The following PGBD2 variants were observed in gnomAD, a reference collection of about 807,000 sequenced individuals.
PGBD2 encodes piggyBac transposable element-derived protein 2.
In PGBD2, 6 loss-of-function variants were observed where a neutral mutation model predicts 8.1. The ratio of observed to expected loss-of-function variants is 0.74; its 90% CI spans 0.40 to 1.46. PGBD2 has a LOEUF of 1.46. Ranked by LOEUF, PGBD2 falls within the 40% of genes most tolerant of loss-of-function variation. The pLI, the probability that PGBD2 is intolerant of heterozygous loss-of-function variation, is 0.02. For missense variants in PGBD2, 802 were observed against 739.0 expected (o/e 1.09, Z -0.99); for synonymous variants, 318 against 272.2 (o/e 1.17, Z -1.66).
At chr1:248,922,514 A>G (rs888246479), downstream of PGBD2, among the ~76,000 whole-genome samples, 5 of 152,242 alleles carry the variant, frequency 3.3e-5, no homozygotes, top group African/African-American at 1.2e-4. Context: ...GTGGCAAGAG[A>G]GGGCATCCTT....
At chr1:248,907,499 G>C (rs371468905) in intron 1 of PGBD2, among the ~76,000 whole-genome samples, 13 of 152,306 alleles carry the variant, frequency 8.5e-5, no homozygotes, top group African/African-American at 2.9e-4. Context: ...CTGGGGGACG[G>C]TAAGGTCTTT....
chr1:248,894,135 T>C, the PGBD2 span, among the ~76,000 whole-genome samples: 2 of 152,232 alleles, frequency 1.3e-5, no homozygotes, highest in African/African-American at 2.4e-5. Context: ...GAGTTCCTTA[T>C]GTTGGAAATT....
In PGBD2 at chr1:248,917,460, T is replaced by G; in HGVS notation, c.876T>G (p.Leu292=). 6.2e-7 allele frequency: 1 copy of G among 1,614,034 alleles called. No individual in the cohort carries two copies. Among genetic ancestry groups the G allele is most frequent in the Non-Finnish European group, 8.5e-7 (1 of 1,179,994 alleles). ...KQLHRGKPVR[L]GYKIWCGTTS... ...TGCACAGGGGGAAGCCTGTGCGACT[T>G]GGCTACAAGATTTGGTGTGGGACAA... The change falls in exon 3 of 3, where the codon CTT becomes CTG. Residue 292 remains leucine (L), a synonymous_variant. Coordinates refer to ENST00000329291, the MANE Select transcript of PGBD2 (RefSeq NM_170725.3).
rs755402023 is a variant in PGBD2 at position 248,917,580 on chromosome 1, A to G, written c.996A>G (p.Ile332Met). ...RSLDLGGSMV[I>M]KFVDALQERG... ...TGGATCTAGGAGGCAGTATGGTAAT[A>G]AAATTTGTGGATGCGCTTCAGGAGC... Residue 332 changes from isoleucine to methionine, a missense_variant, in exon 3 of 3, where the codon ATA becomes ATG. Physicochemically the swap from Ile to Met is conservative, Grantham distance 10 (BLOSUM62 1). Coordinates refer to ENST00000329291, the MANE Select transcript of PGBD2 (RefSeq NM_170725.3). The G allele has an allele frequency of 3.3e-5, 54 of 1,614,128 alleles. No individual in the cohort carries two copies. The highest frequency in any genetic ancestry group is 1.6e-4 in the Middle Eastern group (1 of 6,084).
At chr1:248,881,226 T>C in the PGBD2 span, among the ~76,000 whole-genome samples, 2 of 148,198 alleles carry the variant, frequency 1.3e-5, no homozygotes, top group African/African-American at 5.0e-5. Context: ...TCTAGAGCTA[T>C]CCTACCACCA....
At chr1:248,904,160 A>C (rs1360813953), upstream of PGBD2, among the ~76,000 whole-genome samples, 1 of 152,104 alleles carries the variant, frequency 6.6e-6, no homozygotes, top group South Asian at 2.1e-4. Context: ...TTTACTCATA[A>C]TACACATAAT....
At chr1:248,921,185 T>A (rs1662279096), downstream of PGBD2, among the ~76,000 whole-genome samples, 1 of 152,224 alleles carries the variant, frequency 6.6e-6, no homozygotes, top group Non-Finnish European at 1.5e-5. Context: ...TTGCCATTGC[T>A]TTTGGTGTTT....
At chr1:248,923,376 C>T (rs1662325374), downstream of PGBD2, among the ~76,000 whole-genome samples, 1 of 151,986 alleles carries the variant, frequency 6.6e-6, no homozygotes, top group South Asian at 2.1e-4. Flanking sequence ...GGCTATTGGT[C>T]TATTTTGTGG....
At chr1:248,894,746 TCCTTCC>T in the PGBD2 span, among the ~76,000 whole-genome samples, 5 of 144,284 alleles carry the variant, frequency 3.5e-5, no homozygotes, top group African/African-American at 1.2e-4. Context: ...TTCCTTTCCT[TCCTTCC>T]CCTTCCCCTT....
At chr1:248,914,457 C>T (rs546905001) in intron 2 of PGBD2, 1 of 1,284,846 alleles carries the variant, frequency 7.8e-7, no homozygotes, top group East Asian at 5.6e-5. Flanking sequence ...TGAGTGAATA[C>T]CTCACCTCCC....
At chr1:248,874,153 G>A in the PGBD2 span, among the ~76,000 whole-genome samples, 1 of 152,156 alleles carries the variant, frequency 6.6e-6, no homozygotes, top group African/African-American at 2.4e-5. Flanking sequence ...ATTCCCAAAT[G>A]TTGCGAGAAA....
chr1:248,898,517 A>T, the PGBD2 span, among the ~76,000 whole-genome samples: 1 of 152,242 alleles, frequency 6.6e-6, no homozygotes, highest in South Asian at 2.1e-4. Context: ...TAAGCTTTAT[A>T]AGCAAAAAAG....
At position 248,917,193 on chromosome 1, in the gene PGBD2, C is replaced by T. The variant is rs1662134619; in HGVS notation, c.609C>T (p.Thr203=). The T allele has an allele frequency of 6.2e-7, 1 of 1,614,004 alleles. No homozygotes were observed. Among genetic ancestry groups the T allele is most frequent in the African/African-American group, 1.3e-5 (1 of 74,910 alleles). ...SYPRRRMFWE[T]SPDSHHHLVA... The stretch of plus-strand genomic sequence containing the variant: ...CAAGGAGAAGGATGTTCTGGGAAAC[C>T]TCTCCCGATTCACATCATCATCTTG... The change falls in exon 3 of 3, where the codon ACC becomes ACT. Residue 203 remains threonine, a synonymous_variant. Coordinates refer to ENST00000329291, the MANE Select transcript of PGBD2 (RefSeq NM_170725.3).
At chr1:248,875,461 C>T in the PGBD2 span, among the ~76,000 whole-genome samples, 1 of 152,088 alleles carries the variant, frequency 6.6e-6, no homozygotes, top group Non-Finnish European at 1.5e-5. Flanking sequence ...AGTCTACATT[C>T]GAATTTTCCC....
chr1:248,885,356 G>A, the PGBD2 span, among the ~76,000 whole-genome samples: 1 of 151,344 alleles, frequency 6.6e-6, no homozygotes, highest in African/African-American at 2.4e-5. Flanking sequence ...TCCCAGACTG[G>A]TCTTGAACTC....
the PGBD2 span, among the ~76,000 whole-genome samples, chr1:248,879,471 C>T: frequency 9.9e-4 from 150 of 152,192 alleles, 1 homozygote; most frequent in African/African-American, 2.0e-3. Flanking sequence ...CTCAGCTCAC[C>T]GCAGCCTCAA....
At position 248,917,233 on chromosome 1, in the gene PGBD2, A is replaced by G. The variant is rs751928892; in HGVS notation, c.649A>G (p.Arg217Gly). 3 of 1,614,184 alleles carry G rather than the reference A, an allele frequency of 1.9e-6. No individual in the cohort carries two copies. The highest frequency in any genetic ancestry group is 2.2e-5 in the South Asian group (2 of 91,078). Residue 217 changes from arginine (R) to glycine (G), a missense_variant, in exon 3 of 3, where the codon AGA becomes GGA. Transcript: ENST00000329291. ...SHHHLVADAI[R>G]RDRFELIFSY... Reference sequence around the variant, plus strand: ...TCATCATCTTGTGGCTGATGCAATTAGAAGGGACAGATTTGAACTAATCTT... The same window carrying G: ...TCATCATCTTGTGGCTGATGCAATTGGAAGGGACAGATTTGAACTAATCTT...
the PGBD2 span, among the ~76,000 whole-genome samples, chr1:248,890,567 A>C: frequency 6.6e-6 from 1 of 151,830 alleles, no homozygotes; most frequent in Non-Finnish European, 1.5e-5. Flanking sequence ...TCATGAAAGG[A>C]CTCAGCCCAC....
chr1:248,881,528 A>G, the PGBD2 span, among the ~76,000 whole-genome samples: 1 of 152,254 alleles, frequency 6.6e-6, no homozygotes, highest in Non-Finnish European at 1.5e-5. Context: ...TGGTTTGGCA[A>G]AGAACACATC....
Sources: allele counts gnomAD v4.1 joint callset (sites outside exome capture counted in the v4.1 genomes callset), GRCh38; gene constraint gnomAD v4.1.1; transcripts MANE v1.5; gene names NCBI Gene and HGNC (gene_info 2026-07-23, HGNC 2026-07-21).